The following PTPRM variants were observed in gnomAD, a reference collection of about 807,000 sequenced individuals.
PTPRM encodes the protein protein tyrosine phosphatase receptor type M.
PTPRM carries 47 observed loss-of-function variants against 186.7 expected under a neutral mutation model. The ratio of observed to expected loss-of-function variants is 0.25; its 90% confidence interval spans 0.20 to 0.32. The LOEUF is 0.32. Among genes scored for constraint, PTPRM ranks in the 10% least tolerant of loss-of-function variants. The probability of loss-of-function intolerance (pLI) is 1.00; values close to 1 mark genes in which losing one functional copy is unlikely to be tolerated. For missense variants in PTPRM, 1,494 were observed against 1,865.0 expected, an observed-to-expected ratio of 0.80 and a Z score of 3.66; for synonymous variants, 668 against 674.9, an observed-to-expected ratio of 0.99 and a Z score of 0.16.
intron 14 of PTPRM, among the ~76,000 whole-genome samples, chr18:8,167,072 G>A (rs75202710): frequency 0.012 from 1,838 of 152,310 alleles, 17 homozygotes; most frequent in Non-Finnish European, 0.016. Context: ...CTCACTTAAG[G>A]TCAGGAAGCA....
At chr18:7,662,594 G>T (rs1393594144) in intron 1 of PTPRM, among the ~76,000 whole-genome samples, 1 of 151,686 alleles carries the variant, frequency 6.6e-6, no homozygotes, top group Non-Finnish European at 1.5e-5. Context: ...GAAAGAGGGA[G>T]GGTTAAAGAG....
At chr18:7,716,594 G>T (rs185320531) in intron 1 of PTPRM, among the ~76,000 whole-genome samples, 15 of 152,244 alleles carry the variant, frequency 9.9e-5, no homozygotes, top group Admixed American at 3.3e-4. Context: ...ATCTGACAAA[G>T]GGCTAATATC....
intron 13 of PTPRM, among the ~76,000 whole-genome samples, chr18:8,117,191 T>G (rs192637139): frequency 6.6e-6 from 1 of 152,298 alleles, no homozygotes; most frequent in East Asian, 1.9e-4. Flanking sequence ...GACTACATAG[T>G]CAAAACAGAG....
chr18:7,758,211 A>G (rs138390438), intron 1 of PTPRM, among the ~76,000 whole-genome samples: 1,771 of 152,294 alleles, frequency 0.012, 34 homozygotes, highest in African/African-American at 0.04. Context: ...ACAGATACGC[A>G]TTTGTCCTAG....
At chr18:7,833,243 C>A (rs2045851507) in intron 2 of PTPRM, among the ~76,000 whole-genome samples, 1 of 152,066 alleles carries the variant, frequency 6.6e-6, no homozygotes, top group Non-Finnish European at 1.5e-5. Context: ...TCTTCTAATC[C>A]ATGAACATGG....
intron 1 of PTPRM, among the ~76,000 whole-genome samples, chr18:7,679,013 C>T (rs1455318725): frequency 1.3e-5 from 2 of 152,316 alleles, no homozygotes; most frequent in Middle Eastern, 3.4e-3. Context: ...CAATGTTAGG[C>T]GTGCCCTTTC....
In PTPRM at chr18:8,376,590, A is replaced by G; in HGVS notation, c.3455A>G (p.Gln1152Arg). ...ELRSRRVNMV[Q>R]TEEQYVFIHD... ...CGGTCACGGAGGGTGAACATGGTGC[A>G]AACAGAGGTACTCCCGCTCATCACC... Residue 1152 changes from glutamine (Q) to arginine (R), a missense_variant, in exon 26 of 33, where the codon CAA becomes CGA. By Grantham distance (43) the Gln-to-Arg change is conservative. This residue lies in a region of PTPRM where 1,107 missense variants were observed against 1,350.2 expected (regional missense o/e 0.82). Transcript: ENST00000580170. 6.2e-7 allele frequency: 1 copy of G among 1,612,656 alleles called. No individual in the cohort carries two copies.
chr18:7,992,152 C>T lies in PTPRM; in HGVS notation c.1132+36738C>T, dbSNP rs142484003. Among the ~76,000 whole-genome samples the T allele has an allele frequency of 3.8e-3, 585 of 152,184 alleles. 6 individuals carry two copies. The highest frequency in any genetic ancestry group is 0.014 in the African/African-American group (570 of 41,516). On this transcript the variant is annotated intron_variant, in intron 7 of 32. Coordinates refer to ENST00000580170, the MANE Select transcript of PTPRM (RefSeq NM_001105244.2). Reference sequence around the variant, plus strand: ...AGAGGGAGTTATTATAACCTCATTCCTGCTTCCACCAGAGCACCTGCACTA... The same window carrying T: ...AGAGGGAGTTATTATAACCTCATTCTTGCTTCCACCAGAGCACCTGCACTA...
At chr18:7,722,925 T>C (rs965911438) in intron 1 of PTPRM, among the ~76,000 whole-genome samples, 1 of 152,204 alleles carries the variant, frequency 6.6e-6, no homozygotes. Flanking sequence ...AGAATGGCAC[T>C]ATGTAACTAA....
At chr18:7,626,311 T>C (rs1458983909) in intron 1 of PTPRM, among the ~76,000 whole-genome samples, 1 of 152,230 alleles carries the variant, frequency 6.6e-6, no homozygotes, top group African/African-American at 2.4e-5. Flanking sequence ...GGTCACCACC[T>C]TCATTTAAAA....
At chr18:8,372,734 A>C (rs1423056866) in intron 24 of PTPRM, among the ~76,000 whole-genome samples, 1 of 145,808 alleles carries the variant, frequency 6.9e-6, no homozygotes, top group African/African-American at 2.6e-5. Flanking sequence ...AAAAAAAAAA[A>C]CACATGGAGG....
intron 1 of PTPRM, among the ~76,000 whole-genome samples, chr18:7,696,599 C>T (rs916966002): frequency 2.6e-5 from 4 of 152,192 alleles, no homozygotes; most frequent in African/African-American, 9.6e-5. Context: ...CTTGGGAACA[C>T]AGGCCACATG....
chr18:8,202,771 G>A (rs193237849), intron 14 of PTPRM, among the ~76,000 whole-genome samples: 5 of 151,964 alleles, frequency 3.3e-5, no homozygotes, highest in Non-Finnish European at 5.9e-5. Flanking sequence ...ACTCTGTCTC[G>A]ATTGTCCTGT....
chr18:8,195,490 C>T (rs542210369), intron 14 of PTPRM, among the ~76,000 whole-genome samples: 5 of 152,248 alleles, frequency 3.3e-5, no homozygotes, highest in South Asian at 2.1e-4. Flanking sequence ...GAATCAACCT[C>T]GTATGCATCA....
intron 2 of PTPRM, among the ~76,000 whole-genome samples, chr18:7,828,730 G>A (rs2045613859): frequency 6.6e-6 from 1 of 152,198 alleles, no homozygotes; most frequent in African/African-American, 2.4e-5. Context: ...AAATGCAGAA[G>A]CAGTGTACTA....
chr18:8,214,105 C>T (rs867423060), intron 14 of PTPRM, among the ~76,000 whole-genome samples: 11 of 152,026 alleles, frequency 7.2e-5, no homozygotes, highest in South Asian at 6.3e-4. Flanking sequence ...ATTGGAGACT[C>T]GGAGGGGGGC....
chr18:7,925,888 T>C (rs1171006882), intron 4 of PTPRM, among the ~76,000 whole-genome samples: 1 of 152,238 alleles, frequency 6.6e-6, no homozygotes, highest in Non-Finnish European at 1.5e-5. Flanking sequence ...ATCCTTTATT[T>C]AAACAGCTGT....
At chr18:8,080,975 T>C (rs896228107) in intron 9 of PTPRM, among the ~76,000 whole-genome samples, 2 of 152,170 alleles carry the variant, frequency 1.3e-5, no homozygotes, top group African/African-American at 4.8e-5. Flanking sequence ...TGAAATATCC[T>C]AGGTCCTTTC....
At chr18:7,874,038 T>C (rs2048108303) in intron 2 of PTPRM, among the ~76,000 whole-genome samples, 1 of 152,088 alleles carries the variant, frequency 6.6e-6, no homozygotes, top group African/African-American at 2.4e-5. Flanking sequence ...GTCAACATTA[T>C]ATTATTGGTA....
Sources: allele counts gnomAD v4.1 joint callset (sites outside exome capture counted in the v4.1 genomes callset), GRCh38; gene constraint gnomAD v4.1.1; regional missense constraint gnomAD v4.1.1; transcripts MANE v1.5; gene names NCBI Gene and HGNC (gene_info 2026-07-23, HGNC 2026-07-21).